SORCS3: variants seen among roughly 807,000 people sequenced by gnomAD.
SORCS3 encodes sortilin related VPS10 domain containing receptor 3.
SORCS3 carries 57 observed loss-of-function variants against 146.3 expected under a neutral mutation model. The observed-to-expected ratio is 0.39, with a 90% CI of 0.31 to 0.49. The LOEUF is 0.49. Ranked by LOEUF, SORCS3 falls within the 20% of genes least tolerant of loss-of-function variation. SORCS3 has a pLI of 0.92. For synonymous variants in SORCS3, 653 were observed against 618.5 expected (o/e 1.06, Z -0.83); for missense variants, 1,341 against 1,575.5 (o/e 0.85, Z 2.52).
intron 5 of SORCS3, among the ~76,000 whole-genome samples, chr10:105,085,289 G>A (rs1027299532): frequency 3.4e-4 from 52 of 152,246 alleles, no homozygotes; most frequent in African/African-American, 1.2e-3. Flanking sequence ...GTGGGCGGCG[G>A]CTTCCCTCTG....
At chr10:105,117,063 A>G (rs1259966948) in intron 7 of SORCS3, among the ~76,000 whole-genome samples, 1 of 152,098 alleles carries the variant, frequency 6.6e-6, no homozygotes, top group East Asian at 1.9e-4. Flanking sequence ...AACAAAACTA[A>G]TGGATCAGTA....
intron 2 of SORCS3, among the ~76,000 whole-genome samples, chr10:104,894,042 T>C (rs1053307418): frequency 1.3e-5 from 2 of 152,206 alleles, no homozygotes; most frequent in Non-Finnish European, 2.9e-5. Flanking sequence ...CACAGACCTT[T>C]TGGGGGCTTG....
intron 5 of SORCS3, among the ~76,000 whole-genome samples, chr10:105,069,546 C>T (rs891492106): frequency 6.6e-6 from 1 of 152,186 alleles, no homozygotes; most frequent in African/African-American, 2.4e-5. Context: ...TTCTGCAGCT[C>T]TTCCTGAGTT....
At chr10:105,229,510 G>A (rs1468066210) in intron 20 of SORCS3, among the ~76,000 whole-genome samples, 1 of 152,170 alleles carries the variant, frequency 6.6e-6, no homozygotes, top group Non-Finnish European at 1.5e-5. Context: ...CTTTTGTAGG[G>A]AGGGACTTTT....
At chr10:104,696,247 T>TAATATATAATATATATCATATACA (rs2016186139) in intron 1 of SORCS3, among the ~76,000 whole-genome samples, 1 of 122,396 alleles carries the variant, frequency 8.2e-6, no homozygotes, top group African/African-American at 3.2e-5. Flanking sequence ...TATACACATA[T>TAATATATAATATATATCATATACA]GATATATGAT....
intron 9 of SORCS3, among the ~76,000 whole-genome samples, chr10:105,155,835 C>T (rs1014188881): frequency 6.6e-6 from 1 of 152,150 alleles, no homozygotes; most frequent in African/African-American, 2.4e-5. Context: ...GTCAAATTCC[C>T]CTGGTGGTGT....
chr10:104,664,595 G>C (rs1425947638), intron 1 of SORCS3: 1 of 152,140 alleles, frequency 6.6e-6, no homozygotes, highest in Non-Finnish European at 1.5e-5. Flanking sequence ...TTAGTCACTT[G>C]AGTCATCAAA....
intron 20 of SORCS3, among the ~76,000 whole-genome samples, chr10:105,237,808 AAT>A (rs1207880985): frequency 1.3e-5 from 2 of 152,212 alleles, no homozygotes; most frequent in Non-Finnish European, 2.9e-5. Flanking sequence ...TCACTGATGA[AAT>A]AGAAATTATC....
At chr10:105,147,041 C>A (rs1389444864) in intron 8 of SORCS3, among the ~76,000 whole-genome samples, 1 of 151,358 alleles carries the variant, frequency 6.6e-6, no homozygotes, top group East Asian at 1.9e-4. Context: ...CCTCCCTTAC[C>A]TTTTGCTCCT....
chr10:104,656,172 G>A (rs2015627234), intron 1 of SORCS3, among the ~76,000 whole-genome samples: 1 of 152,120 alleles, frequency 6.6e-6, no homozygotes, highest in African/African-American at 2.4e-5. Flanking sequence ...GTGCAGGGTG[G>A]ATTAGGTGCA....
At chr10:104,680,654 G>A (rs2015960000) in intron 1 of SORCS3, among the ~76,000 whole-genome samples, 1 of 152,260 alleles carries the variant, frequency 6.6e-6, no homozygotes, top group Non-Finnish European at 1.5e-5. Flanking sequence ...GGCTAAACTA[G>A]TAACTGCACG....
intron 9 of SORCS3, among the ~76,000 whole-genome samples, chr10:105,152,770 A>G (rs973116666): frequency 6.6e-6 from 1 of 152,176 alleles, no homozygotes; most frequent in Admixed American, 6.5e-5. Context: ...AACAACTTAT[A>G]TATTTTTTTC....
chr10:104,662,396 A>AAC (rs2015714190), intron 1 of SORCS3, among the ~76,000 whole-genome samples: 1 of 152,246 alleles, frequency 6.6e-6, no homozygotes, highest in Non-Finnish European at 1.5e-5. Flanking sequence ...AGTTTCTACT[A>AAC]TTATGAGCCA....
At chr10:105,034,252 TA>T (rs2055290881) in intron 4 of SORCS3, among the ~76,000 whole-genome samples, 1 of 151,726 alleles carries the variant, frequency 6.6e-6, no homozygotes, top group South Asian at 2.1e-4. Context: ...GACATATGAG[TA>T]GGAGTTCAGT....
chr10:105,107,827 A>G (rs79596225), intron 7 of SORCS3, among the ~76,000 whole-genome samples: 3,636 of 152,300 alleles, frequency 0.024, 75 homozygotes, highest in Non-Finnish European at 0.039. Context: ...TTAAGAACAT[A>G]TAATTTAGAG....
intron 1 of SORCS3, among the ~76,000 whole-genome samples, chr10:104,701,191 T>A (rs1207554309): frequency 6.6e-6 from 1 of 152,178 alleles, no homozygotes; most frequent in Non-Finnish European, 1.5e-5. Flanking sequence ...AGCATTTACC[T>A]GTTAGGGTCT....
chr10:104,915,551 G>T (rs936968382), intron 2 of SORCS3, among the ~76,000 whole-genome samples: 1 of 152,126 alleles, frequency 6.6e-6, no homozygotes, highest in African/African-American at 2.4e-5. Flanking sequence ...CAGCATGAGA[G>T]TCAGGCCGTC....
At chr10:104,736,150 A>G (rs76912145) in intron 1 of SORCS3, among the ~76,000 whole-genome samples, 4,252 of 152,174 alleles carry the variant, frequency 0.028, 98 homozygotes, top group Non-Finnish European at 0.04. Flanking sequence ...CTGCGACTGG[A>G]CTAAATTTGT....
chr10:105,179,094 TAAA>T (rs1287529974), intron 14 of SORCS3, among the ~76,000 whole-genome samples: 1 of 152,204 alleles, frequency 6.6e-6, no homozygotes, highest in Non-Finnish European at 1.5e-5. Context: ...TGATCAGTTA[TAAA>T]AAAATTCTTT....
Sources: gnomAD v4.1 joint callset for allele counts (sites outside exome capture counted in the v4.1 genomes callset) on GRCh38, gnomAD v4.1.1 for gene constraint, MANE v1.5 for transcripts, NCBI Gene and HGNC (gene_info 2026-07-23, HGNC 2026-07-21) for gene names.